The following IQGAP2 variants were observed in gnomAD, a reference collection of about 807,000 sequenced individuals.
The protein encoded by IQGAP2 is ras GTPase-activating-like protein IQGAP2.
Under a neutral mutation model 201.3 loss-of-function variants are expected in IQGAP2, and 173 were observed. That is an observed-to-expected ratio of 0.86 (90% CI 0.76 to 0.98). The LOEUF (loss-of-function observed/expected upper bound fraction) is 0.98, where lower values mean the gene tolerates loss of function less well. Among genes scored for constraint, IQGAP2 ranks in the 50% least tolerant of loss-of-function variants. The pLI, the probability that IQGAP2 is intolerant of heterozygous loss-of-function variation, is 0.00. For synonymous variants in IQGAP2, 675 were observed against 673.9 expected, an observed-to-expected ratio of 1.00 and a Z score of -0.03; for missense variants, 1,687 against 1,864.8, an observed-to-expected ratio of 0.90 and a Z score of 1.76.
At chr5:76,666,128 G>A (rs1221877489) in intron 22 of IQGAP2, among the ~76,000 whole-genome samples, 1 of 152,198 alleles carries the variant, frequency 6.6e-6, no homozygotes, top group Admixed American at 6.5e-5. Flanking sequence ...ATTTTGGTAG[G>A]TTTGAAAATT....
chr5:76,651,414 G>T (rs576015441), intron 17 of IQGAP2, among the ~76,000 whole-genome samples: 8 of 152,274 alleles, frequency 5.3e-5, no homozygotes, highest in Admixed American at 4.6e-4. Context: ...ACCAGCCTGG[G>T]CAACATAGTG....
intron 1 of IQGAP2, among the ~76,000 whole-genome samples, chr5:76,450,915 T>C (rs1358113984): frequency 6.6e-6 from 1 of 152,146 alleles, no homozygotes; most frequent in Non-Finnish European, 1.5e-5. Flanking sequence ...TTTTTGGCAA[T>C]CTTTTTTAAA....
intron 5 of IQGAP2, among the ~76,000 whole-genome samples, chr5:76,579,639 A>G (rs1217586653): frequency 1.3e-5 from 2 of 152,152 alleles, no homozygotes; most frequent in African/African-American, 4.8e-5. Context: ...AACATTATTA[A>G]AAGCTTATGT....
chr5:76,446,161 T>C (rs1753381196), intron 1 of IQGAP2, among the ~76,000 whole-genome samples: 1 of 152,252 alleles, frequency 6.6e-6, no homozygotes. Flanking sequence ...GGTACAAATA[T>C]CTGCTGGAGT....
chr5:76,426,281 C>A (rs539645233), intron 1 of IQGAP2, among the ~76,000 whole-genome samples: 4 of 152,182 alleles, frequency 2.6e-5, no homozygotes, highest in African/African-American at 7.2e-5. Flanking sequence ...AACCTAGACA[C>A]CTAGGAAAGG....
At chr5:76,626,757 T>C (rs2455220) in intron 13 of IQGAP2, among the ~76,000 whole-genome samples, 96,808 of 151,726 alleles carry the variant, frequency 0.64, 31,080 homozygotes, top group Middle Eastern at 0.68. Flanking sequence ...GGAACCACAA[T>C]AATTGATTGA....
intron 16 of IQGAP2, among the ~76,000 whole-genome samples, chr5:76,639,778 A>T (rs1751423377): frequency 6.6e-6 from 1 of 152,218 alleles, no homozygotes; most frequent in Admixed American, 6.5e-5. Flanking sequence ...CTTAATGACA[A>T]GAAGATAGTG....
intron 1 of IQGAP2, among the ~76,000 whole-genome samples, chr5:76,409,012 C>G (rs765169948): frequency 6.6e-6 from 1 of 151,928 alleles, no homozygotes; most frequent in Non-Finnish European, 1.5e-5. Context: ...AGGCTGGTCT[C>G]GAACTTCCTA....
At chr5:76,614,684 A>G (rs1473340484) in intron 13 of IQGAP2, among the ~76,000 whole-genome samples, 8 of 130,806 alleles carry the variant, frequency 6.1e-5, no homozygotes, top group African/African-American at 2.4e-4. Flanking sequence ...TCCTGGGCTC[A>G]AGTGATCCTC....
intron 12 of IQGAP2, 77 bp downstream of exon 12, chr5:76,606,380 G>T: frequency 7.5e-7 from 1 of 1,335,054 alleles, no homozygotes; most frequent in East Asian, 2.5e-5. Flanking sequence ...CTAGATTAGG[G>T]CTTTAAGTTT....
chr5:76,551,644 A>G (rs1240130758), intron 2 of IQGAP2, among the ~76,000 whole-genome samples: 6 of 121,954 alleles, frequency 4.9e-5, no homozygotes, highest in Non-Finnish European at 8.4e-5. Flanking sequence ...CTCGCGGTCC[A>G]GAGCTGGAGA....
intron 1 of IQGAP2, among the ~76,000 whole-genome samples, chr5:76,446,617 A>G (rs2059870577): frequency 6.6e-6 from 1 of 152,010 alleles, no homozygotes; most frequent in African/African-American, 2.4e-5. Flanking sequence ...TCCCACCCCC[A>G]TCCTTTGCAC....
chr5:76,673,373 C>A, intron 24 of IQGAP2, 76 bp from the exon 25 acceptor site: 1 of 1,505,284 alleles, frequency 6.6e-7, no homozygotes, highest in Non-Finnish European at 9.0e-7. Context: ...CAAAGCTTGA[C>A]TATAGAACCA....
Position 76,611,058 on chromosome 5 carries a change from G to A in IQGAP2, c.1396G>A (p.Glu466Lys). The A allele has an allele frequency of 1.2e-6, 2 of 1,613,776 alleles. No individual in the cohort carries two copies. The highest frequency in any genetic ancestry group is 2.2e-5 in the East Asian group (1 of 44,874). The part of the protein sequence containing the change: ...AVGYINEAID[E>K]GNPLRTLETL... The stretch of plus-strand genomic sequence containing the variant: ...AGGGTACATCAATGAAGCTATTGAT[G>A]AAGGGAATCCTTTGAGGACTTTAGA... Residue 466 changes from glutamate to lysine, a missense_variant, in exon 13 of 36, where the codon GAA becomes AAA. Transcript: ENST00000274364.
intron 26 of IQGAP2, 76 bp from the exon 27 acceptor site, chr5:76,674,400 CT>C: frequency 2.4e-6 from 2 of 817,350 alleles, no homozygotes; most frequent in Non-Finnish European, 3.9e-6. Context: ...GAATATATAT[CT>C]TTAAAAAAAA....
At chr5:76,624,655 T>C (rs1367033027) in intron 13 of IQGAP2, among the ~76,000 whole-genome samples, 2 of 152,260 alleles carry the variant, frequency 1.3e-5, no homozygotes, top group African/African-American at 4.8e-5. Context: ...GATTTGCACA[T>C]GGCCTAGTTT....
Position 76,654,224 on chromosome 5 carries a change from A to G in IQGAP2, c.2203A>G (p.Thr735Ala). 1.2e-6 allele frequency: 2 copies of G among 1,610,750 alleles called. No homozygotes were observed. Among genetic ancestry groups the G allele is most frequent in the Non-Finnish European group, 1.7e-6 (2 of 1,178,534 alleles). ...VKIQSWFRMA[T>A]ARKSYLSRLQ... Reference sequence around the variant, plus strand: ...GATTCAGTCCTGGTTCCGAATGGCAACTGCAAGAAAGAGCTATCTTTCAAG... The same window carrying G: ...GATTCAGTCCTGGTTCCGAATGGCAGCTGCAAGAAAGAGCTATCTTTCAAG... Residue 735 changes from threonine (T) to alanine (A), a missense_variant, in exon 19 of 36, where the codon ACT (threonine) becomes GCT (alanine). Physicochemically the swap from Thr to Ala is moderately conservative, Grantham distance 58. Coordinates refer to ENST00000274364, the MANE Select transcript of IQGAP2 (RefSeq NM_006633.5).
chr5:76,672,688 C>T (rs751520998), intron 24 of IQGAP2, among the ~76,000 whole-genome samples: 7 of 152,160 alleles, frequency 4.6e-5, no homozygotes, highest in Non-Finnish European at 1.0e-4. Flanking sequence ...ATGCTCATTA[C>T]ATACGCCACA....
intron 10 of IQGAP2, among the ~76,000 whole-genome samples, chr5:76,599,461 T>C (rs1266176008): frequency 3.3e-5 from 5 of 152,192 alleles, no homozygotes; most frequent in Non-Finnish European, 7.3e-5. Flanking sequence ...TTATCCTTTT[T>C]GCTGTAAACC....
Sources: gnomAD v4.1 joint callset for allele counts (sites outside exome capture counted in the v4.1 genomes callset) on GRCh38, gnomAD v4.1.1 for gene constraint, MANE v1.5 for transcripts, NCBI Gene and HGNC (gene_info 2026-07-23, HGNC 2026-07-21) for gene names.